GTPBP6: variants seen among roughly 807,000 people sequenced by gnomAD.
GTPBP6 encodes putative GTP-binding protein 6.
Under a neutral mutation model 28.9 loss-of-function variants are expected in GTPBP6, and 33 were observed. The observed-to-expected ratio is 1.14, with a 90% CI of 0.87 to 1.53. GTPBP6 has a LOEUF of 1.53. GTPBP6 is among the 40% of genes most tolerant of loss of function. The pLI is 0.00. For synonymous variants in GTPBP6, 231 were observed against 192.7 expected (o/e 1.20, Z -1.65); for missense variants, 507 against 408.3 (o/e 1.24, Z -2.08).
At chrX:314,468 C>T (rs983617399) in intron 4 of GTPBP6, among the ~76,000 whole-genome samples, 2 of 150,896 alleles carry the variant, frequency 1.3e-5, no homozygotes, top group African/African-American at 4.9e-5. Flanking sequence ...CCACACGGTG[C>T]TTTTCTTCTT....
intron 1 of GTPBP6, among the ~76,000 whole-genome samples, chrX:317,872 C>T (rs1290830898): frequency 1.3e-5 from 2 of 148,580 alleles, no homozygotes; most frequent in Non-Finnish European, 3.0e-5. Flanking sequence ...CCATAAGCCC[C>T]GCCCTTTCAC....
chrX:306,841 G>T (rs1201039109), intron 9 of GTPBP6, among the ~76,000 whole-genome samples: 1 of 149,936 alleles, frequency 6.7e-6, no homozygotes, highest in Non-Finnish European at 1.5e-5. Flanking sequence ...TGTATATTTT[G>T]AGTGTCAGCA....
chrX:313,012 G>A (rs1422802087), intron 5 of GTPBP6, 88 bp from the exon 6 acceptor site: 55 of 1,196,756 alleles, frequency 4.6e-5, no homozygotes, highest in Middle Eastern at 2.9e-4. Context: ...GCGGGGGCCC[G>A]GGGCCTGCTC....
chrX:317,889 G>T (rs1395444478), intron 1 of GTPBP6, among the ~76,000 whole-genome samples: 1 of 136,014 alleles, frequency 7.4e-6, no homozygotes, highest in Non-Finnish European at 1.6e-5. Flanking sequence ...TCACCCATGG[G>T]CTCCTCCCCC....
At chrX:316,181 CAG>C (rs2070435851) in intron 2 of GTPBP6, among the ~76,000 whole-genome samples, 1 of 91,612 alleles carries the variant, frequency 1.1e-5, no homozygotes, top group Non-Finnish European at 2.3e-5. Flanking sequence ...GACACACACA[CAG>C]ACACATACAC....
chrX:310,217 G>A (rs971727344), intron 7 of GTPBP6, among the ~76,000 whole-genome samples: 1 of 151,800 alleles, frequency 6.6e-6, no homozygotes, highest in African/African-American at 2.4e-5. Context: ...ATCTGGAGAT[G>A]AGATCATCCT....
chrX:315,538 A>G (rs2070414277), intron 2 of GTPBP6, among the ~76,000 whole-genome samples: 2 of 133,432 alleles, frequency 1.5e-5, no homozygotes, highest in Non-Finnish European at 3.0e-5. Context: ...AGGGACACAA[A>G]CACATACACA....
intron 9 of GTPBP6, among the ~76,000 whole-genome samples, chrX:306,482 A>G (rs2124442988): frequency 6.8e-6 from 1 of 147,240 alleles, no homozygotes; most frequent in South Asian, 2.1e-4. Context: ...ATTGAGTGTC[A>G]GCACACATTA....
At chrX:313,826 C>G (rs1486259674) in intron 5 of GTPBP6, among the ~76,000 whole-genome samples, 5 of 152,162 alleles carry the variant, frequency 3.3e-5, no homozygotes, top group African/African-American at 1.2e-4. Flanking sequence ...TCACCTTGAT[C>G]TCAGAGTTTT....
chrX:308,241 G>C (rs745446316), intron 7 of GTPBP6, among the ~76,000 whole-genome samples: 1 of 152,062 alleles, frequency 6.6e-6, no homozygotes, highest in African/African-American at 2.4e-5. Context: ...TTTAACAGCG[G>C]AATTATTTCC....
chrX:316,990 C>T (rs2124478647), exon 2 of GTPBP6: 1 of 398,644 alleles, frequency 2.5e-6, no homozygotes, highest in East Asian at 3.6e-5. Flanking sequence ...CCATTGTCTG[C>T]ACCACGGACC....
intron 7 of GTPBP6, among the ~76,000 whole-genome samples, chrX:308,157 C>T (rs1325229098): frequency 1.3e-5 from 2 of 150,592 alleles, no homozygotes; most frequent in African/African-American, 4.8e-5. Context: ...ATATGAGCAC[C>T]CAACCACCAC....
intron 7 of GTPBP6, among the ~76,000 whole-genome samples, chrX:308,717 C>G (rs1215184467): frequency 1.3e-5 from 2 of 149,648 alleles, no homozygotes; most frequent in African/African-American, 2.5e-5. Flanking sequence ...ATAATTTCAT[C>G]CCAGGAAAGT....
exon 5 of GTPBP6, chrX:314,216 A>T (rs2124469713): frequency 6.2e-7 from 1 of 1,612,948 alleles, no homozygotes; most frequent in Admixed American, 1.7e-5. Context: ...TTCAAGTTCG[A>T]CCTGGTGTGG....
At chrX:313,014 G>C in intron 5 of GTPBP6, 90 bp from the exon 6 acceptor site, 3 of 1,159,472 alleles carry the variant, frequency 2.6e-6, no homozygotes, top group Non-Finnish European at 3.7e-6. Context: ...GGGGGCCCGG[G>C]GCCTGCTCCC....
exon 10 of GTPBP6, chrX:304,966 A>G: frequency 1.3e-6 from 2 of 1,517,536 alleles, no homozygotes; most frequent in Non-Finnish European, 1.8e-6. Context: ...AGAACCAGAC[A>G]AGGAGGACCC....
In GTPBP6 at chrX:312,582, G is replaced by A. The variant is rs1213299154; in HGVS notation, c.916+184C>T. 6.9e-6 allele frequency: 5 copies of A among 721,360 alleles called. No individual in the cohort carries two copies. The African/African-American group carries it at 8.7e-5, about 13-fold the overall frequency. The allele number at this position is 721,360 out of a possible 1,614,324, so 44.7% of individuals were successfully genotyped here. On this transcript the variant is annotated intron_variant, in intron 6 of 9. Coordinates refer to ENST00000326153, the Ensembl canonical transcript of GTPBP6. ...ACCACAGGAAACCCGTCTCCTGGGT[G>A]AGCTCTCACAGCAGCTGGTGTACCC...
At chrX:314,247 C>G (rs759763034) in intron 4 of GTPBP6, 30 bp from the exon 5 acceptor site, 2 of 1,572,726 alleles carry the variant, frequency 1.3e-6, no homozygotes, top group South Asian at 1.1e-5. Flanking sequence ...GGCTCGGTCT[C>G]TGCGGACGCT....
Position 318,426 on chromosome X carries a change from C to A in GTPBP6, c.349+13G>T, listed in dbSNP as rs1349872397. On this transcript the variant is annotated intron_variant, in intron 1 of 9. Coordinates refer to ENST00000326153, the Ensembl canonical transcript of GTPBP6. Reference sequence around the variant, plus strand: ...AGCTCCTGTTTCTCCCCCGAAAGCCCTGCCGCGGTCACCTCGAGTCATCTG... The same window carrying A: ...AGCTCCTGTTTCTCCCCCGAAAGCCATGCCGCGGTCACCTCGAGTCATCTG... 878 of 398,652 alleles carry A rather than the reference C, an allele frequency of 2.2e-3. 4 individuals are homozygous for A. Among genetic ancestry groups the A allele is most frequent in the African/African-American group, 0.015 (741 of 48,724 alleles). 24.7% of individuals were successfully genotyped at this position (398,652 alleles called of 1,614,324 possible).
Sources: allele counts gnomAD v4.1 joint callset (sites outside exome capture counted in the v4.1 genomes callset), GRCh38; gene constraint gnomAD v4.1.1; transcripts MANE v1.5; gene names NCBI Gene and HGNC (gene_info 2026-07-23, HGNC 2026-07-21).